PLEKHF2: variants seen among roughly 807,000 people sequenced by gnomAD.
PLEKHF2 encodes the protein pleckstrin homology and FYVE domain containing 2.
Under a neutral mutation model 14.7 loss-of-function variants are expected in PLEKHF2, and 4 were observed. The ratio of observed to expected loss-of-function variants is 0.27; its 90% CI spans 0.13 to 0.62. PLEKHF2 has a LOEUF of 0.62. Among genes scored for constraint, PLEKHF2 ranks in the 20% least tolerant of loss-of-function variants. The pLI is 0.85. For synonymous variants in PLEKHF2, 90 were observed against 103.5 expected, an observed-to-expected ratio of 0.87 and a Z score of 0.79; for missense variants, 201 against 307.7, an observed-to-expected ratio of 0.65 and a Z score of 2.60.
chr8:95,144,881 A>C (rs892860438), intron 1 of PLEKHF2, among the ~76,000 whole-genome samples: 2 of 151,554 alleles, frequency 1.3e-5, no homozygotes, highest in African/African-American at 2.4e-5. Context: ...AAAAAAAAAA[A>C]AAACCCAGAA....
chr8:95,153,267 A>ACT (rs1030469844), intron 1 of PLEKHF2, among the ~76,000 whole-genome samples: 5 of 152,262 alleles, frequency 3.3e-5, no homozygotes, highest in African/African-American at 1.2e-4. Flanking sequence ...GATTACCTAA[A>ACT]CTAAGTCTCG....
In PLEKHF2 at chr8:95,156,061, A is replaced by G. The variant is rs1810615254; in HGVS notation, c.*1267A>G. The G allele has an allele frequency of 6.0e-6, 1 of 167,012 alleles. No homozygotes were observed. The allele number at this position is 167,012 out of a possible 1,614,324, so 10.3% of individuals were successfully genotyped here. A position where few individuals can be genotyped will look rare whatever the true frequency, so the allele number is the denominator to read the frequency against. ...TAAGTCAATCTAGATTTATTTTGAGAAGTAATTGTTCACTCTTTACTTTTG... is the reference window on the plus strand; with the variant it reads ...TAAGTCAATCTAGATTTATTTTGAGGAGTAATTGTTCACTCTTTACTTTTG... On this transcript the variant is annotated 3_prime_UTR_variant, in exon 2 of 2. Coordinates refer to ENST00000315367, the MANE Select transcript of PLEKHF2 (RefSeq NM_024613.4).
chr8:95,145,922 T>C (rs992180342), intron 1 of PLEKHF2, among the ~76,000 whole-genome samples: 6 of 152,246 alleles, frequency 3.9e-5, no homozygotes, highest in African/African-American at 9.6e-5. Context: ...TTTACTGTTA[T>C]ACATTTGCTC....
At chr8:95,137,578 T>C (rs1403152526) in intron 1 of PLEKHF2, among the ~76,000 whole-genome samples, 2 of 152,278 alleles carry the variant, frequency 1.3e-5, no homozygotes, top group Non-Finnish European at 2.9e-5. Context: ...TCCTTTCTTA[T>C]GCTTTTCATT....
At position 95,154,840 on chromosome 8, in the gene PLEKHF2, C is replaced by A; in HGVS notation, c.*46C>A. 6.3e-7 allele frequency: 1 copy of A among 1,585,094 alleles called. No individual in the cohort carries two copies. ...AATCAGGTGTGGCTATCTGAGAAAT[C>A]AACTTTGGGGGAAATGTAAGATTCT... is the stretch of plus-strand genomic sequence containing the variant. On this transcript the variant is annotated 3_prime_UTR_variant, in exon 2 of 2. Transcript: ENST00000315367. This position sits in a 1 kb window ranked among gnomAD's most constrained non-coding sequence, Gnocchi z 5.6.
At chr8:95,138,843 T>A (rs1225754393) in intron 1 of PLEKHF2, among the ~76,000 whole-genome samples, 1 of 152,242 alleles carries the variant, frequency 6.6e-6, no homozygotes, top group Non-Finnish European at 1.5e-5. Flanking sequence ...TGTTTCCAGC[T>A]TTTCTATATT....
chr8:95,153,964 T>A, intron 1 of PLEKHF2, 67 bp from the exon 2 acceptor site: 1 of 1,184,588 alleles, frequency 8.4e-7, no homozygotes, highest in Admixed American at 3.3e-5. Flanking sequence ...TAGCTTAATT[T>A]ATATATAATT....
At chr8:95,136,848 A>G (rs60040084) in intron 1 of PLEKHF2, among the ~76,000 whole-genome samples, 4,154 of 152,306 alleles carry the variant, frequency 0.027, 186 homozygotes, top group African/African-American at 0.095. Context: ...ATACACTTTC[A>G]CAGTGCTGTT....
In PLEKHF2 at chr8:95,145,224, A is replaced by C. The variant is rs10104137; in HGVS notation, c.-14-8807A>C. On this transcript the variant is annotated intron_variant, in intron 1 of 1. Coordinates refer to ENST00000315367, the MANE Select transcript of PLEKHF2 (RefSeq NM_024613.4). ...ATGTTTCTCAATCCAGTTTTAATAC[A>C]TTTAAAATTAACATATGAAAGTTTT... Among the ~76,000 whole-genome samples, 492 of 152,248 alleles carry C rather than the reference A, an allele frequency of 3.2e-3. 2 individuals are homozygous for C. The highest frequency in any genetic ancestry group is 0.011 in the African/African-American group (464 of 41,542).
chr8:95,154,361 C>T lies in PLEKHF2; in HGVS notation c.317C>T (p.Thr106Ile), dbSNP rs1248868292. ...AATGGATGGCTAATCAAGACACCAACTAAATCTTTTGCAGTTTATGCTGCC... is the reference window on the plus strand; with the variant it reads ...AATGGATGGCTAATCAAGACACCAATTAAATCTTTTGCAGTTTATGCTGCC... ...LRNGWLIKTP[T>I]KSFAVYAATA... Residue 106 changes from threonine to isoleucine, a missense_variant, in exon 2 of 2, where the codon ACT (threonine) becomes ATT (isoleucine). Thr to Ile is a moderately conservative substitution (Grantham distance 89). Transcript: ENST00000315367. The surrounding 1 kb of genome is among the most constrained non-coding windows in gnomAD (Gnocchi z 5.6). 1.2e-6 allele frequency: 2 copies of T among 1,613,912 alleles called. No homozygotes were observed. Among genetic ancestry groups the T allele is most frequent in the Non-Finnish European group, 1.7e-6 (2 of 1,179,954 alleles).
At chr8:95,139,237 C>T (rs1810413148) in intron 1 of PLEKHF2, among the ~76,000 whole-genome samples, 1 of 152,124 alleles carries the variant, frequency 6.6e-6, no homozygotes, top group African/African-American at 2.4e-5. Context: ...GGTGCGGTGG[C>T]TCACACCTGT....
At chr8:95,140,031 A>G (rs1438745253) in intron 1 of PLEKHF2, among the ~76,000 whole-genome samples, 1 of 151,294 alleles carries the variant, frequency 6.6e-6, no homozygotes, top group Non-Finnish European at 1.5e-5. Flanking sequence ...ATCAGCCAGC[A>G]TCTCTAGGTG....
At position 95,154,873 on chromosome 8, in the gene PLEKHF2, C is replaced by G. The variant is rs1347832080; in HGVS notation, c.*79C>G. 2.0e-6 allele frequency: 3 copies of G among 1,500,550 alleles called. No individual in the cohort carries two copies. The highest frequency in any genetic ancestry group is 3.2e-5 in the African/African-American group (2 of 61,674). The allele number at this position is 1,500,550 out of a possible 1,614,324, so 93.0% of individuals were successfully genotyped here. A position where few individuals can be genotyped will look rare whatever the true frequency, so the allele number is the denominator to read the frequency against. On this transcript the variant is annotated 3_prime_UTR_variant, in exon 2 of 2. Transcript: ENST00000315367. This position sits in a 1 kb window ranked among gnomAD's most constrained non-coding sequence, Gnocchi z 5.6. ...GGGGAAATGTAAGATTCTGAGCTCT[C>G]TCTCTGTTTTGTTCTAGCCATGAAT...
intron 1 of PLEKHF2, among the ~76,000 whole-genome samples, chr8:95,143,763 G>A (rs1053819685): frequency 6.6e-6 from 1 of 152,232 alleles, no homozygotes; most frequent in Admixed American, 6.5e-5. Flanking sequence ...CAGCAGGTTA[G>A]GACTTGACTG....
intron 1 of PLEKHF2, among the ~76,000 whole-genome samples, chr8:95,136,434 G>C (rs1025192397): frequency 6.6e-6 from 1 of 151,690 alleles, no homozygotes; most frequent in Non-Finnish European, 1.5e-5. Flanking sequence ...TTCGCCTGGG[G>C]GTACAGAACT....
At chr8:95,147,126 TATGGATATAATGTAAGTTTCATCA>T (rs1392223334) in intron 1 of PLEKHF2, among the ~76,000 whole-genome samples, 1 of 152,092 alleles carries the variant, frequency 6.6e-6, no homozygotes, top group East Asian at 1.9e-4. Context: ...TAAAGTAATT[TATGGATATAATGTAAGTTTCATCA>T]ACATTTCAGT....
At position 95,154,909 on chromosome 8, in the gene PLEKHF2, A is replaced by C; in HGVS notation, c.*115A>C. ...GTTCTAGCCATGAATTTGCCTGAGA[A>C]ACTTGTAACCTATGTGCCTCAATAT... is the stretch of plus-strand genomic sequence containing the variant. On this transcript the variant is annotated 3_prime_UTR_variant, in exon 2 of 2. Transcript: ENST00000315367. The surrounding 1 kb of genome is among the most constrained non-coding windows in gnomAD (Gnocchi z 5.6). 7.6e-7 allele frequency: 1 copy of C among 1,313,434 alleles called. No homozygotes were observed. Among genetic ancestry groups the C allele is most frequent in the Non-Finnish European group, 1.1e-6 (1 of 952,274 alleles). The allele number at this position is 1,313,434 out of a possible 1,614,324, so 81.4% of individuals were successfully genotyped here. A position where few individuals can be genotyped will look rare whatever the true frequency, so the allele number is the denominator to read the frequency against.
chr8:95,149,547 A>C (rs536943744), intron 1 of PLEKHF2, among the ~76,000 whole-genome samples: 1 of 152,320 alleles, frequency 6.6e-6, no homozygotes, highest in South Asian at 2.1e-4. Context: ...GCTTGCTGAA[A>C]TTTTTAAAGA....
intron 1 of PLEKHF2, among the ~76,000 whole-genome samples, chr8:95,151,254 ATAG>A (rs1365716383): frequency 3.3e-5 from 5 of 152,150 alleles, no homozygotes; most frequent in South Asian, 2.1e-4. Context: ...ATTAATTCTC[ATAG>A]TAGCAATAAT....
Sources: allele counts gnomAD v4.1 joint callset (sites outside exome capture counted in the v4.1 genomes callset), GRCh38; gene constraint gnomAD v4.1.1; non-coding constraint Gnocchi (gnomAD v3.1); transcripts MANE v1.5; gene names NCBI Gene and HGNC (gene_info 2026-07-23, HGNC 2026-07-21).